Variants in HECTD4 observed in about 807,000 individuals in gnomAD.
HECTD4 encodes HECT domain E3 ubiquitin protein ligase 4, also known as probable E3 ubiquitin-protein ligase HECTD4.
In HECTD4, 114 loss-of-function variants were observed where a neutral mutation model predicts 471.5. That is an observed-to-expected ratio of 0.24 (90% CI 0.21 to 0.28). The LOEUF is 0.28. HECTD4 is among the 10% of genes least tolerant of loss of function. The pLI, the probability that HECTD4 is intolerant of heterozygous loss-of-function variation, is 1.00. For synonymous variants in HECTD4, 2,012 were observed against 2,256.0 expected (o/e 0.89, Z 3.07); for missense variants, 3,866 against 5,651.5 (o/e 0.68, Z 10.13).
At position 112,179,334 on chromosome 12, in the gene HECTD4, G is replaced by T; in HGVS notation, c.11051C>A (p.Ser3684Ter). 1 of 1,613,344 alleles carries T rather than the reference G, an allele frequency of 6.2e-7. No homozygotes were observed. Among genetic ancestry groups the T allele is most frequent in the Non-Finnish European group, 8.5e-7 (1 of 1,179,614 alleles). ...TGGTGTCAGGCTCAGCGTCTGCTCT[G>T]AATGGGCACAACTCTTAAATATCTC... ...LTEIFKSCAH[S>*]EQTLSLTPAK... The change falls in exon 63 of 76, where the codon TCA (serine) becomes TAA (stop). Residue 3684 changes from serine (S) to a stop codon, truncating the protein, a stop_gained. Transcript: ENST00000682272. LOFTEE classifies it high-confidence loss of function. The surrounding 1 kb of genome is among the most constrained non-coding windows in gnomAD (Gnocchi z 4.3).
In HECTD4 at chr12:112,184,117, A is replaced by G. The variant is rs1481366170; in HGVS notation, c.10779+70T>C. ...TTACCTACTAGGAAATAACTTTGGAAGATTTAAAGAGGCTTGGGGGATTGA... is the reference window on the plus strand; with the variant it reads ...TTACCTACTAGGAAATAACTTTGGAGGATTTAAAGAGGCTTGGGGGATTGA... On this transcript the variant is annotated intron_variant, in intron 61 of 75. Coordinates refer to ENST00000682272, the MANE Select transcript of HECTD4 (RefSeq NM_001388303.1). This position sits in a 1 kb window ranked among gnomAD's most constrained non-coding sequence, Gnocchi z 9.1. The G allele has an allele frequency of 5.0e-6, 7 of 1,397,440 alleles. No homozygotes were observed. The highest frequency in any genetic ancestry group is 2.1e-5 in the Admixed American group (1 of 47,048). 86.6% of individuals were successfully genotyped at this position (1,397,440 alleles called of 1,614,324 possible). A position where few individuals can be genotyped will look rare whatever the true frequency, so the allele number is the denominator to read the frequency against.
chr12:112,162,690 G>A lies in HECTD4; in HGVS notation c.13121-167C>T. On this transcript the variant is annotated intron_variant, in intron 75 of 75. Coordinates refer to ENST00000682272, the MANE Select transcript of HECTD4 (RefSeq NM_001388303.1). This position sits in a 1 kb window ranked among gnomAD's most constrained non-coding sequence, Gnocchi z 5.2. ...GCCTGGGAACCTGCGAGATGTTCTT[G>A]GAGGGAAAAGGGGAGAGAGCTGCTG... The A allele has an allele frequency of 2.7e-6, 2 of 733,386 alleles. No individual in the cohort carries two copies. Among genetic ancestry groups the A allele is most frequent in the East Asian group, 2.7e-5 (1 of 36,856 alleles). 45.4% of individuals were successfully genotyped at this position (733,386 alleles called of 1,614,324 possible).
In HECTD4 at chr12:112,162,872, G is replaced by C; in HGVS notation, c.13120+170C>G. Reference sequence around the variant, plus strand: ...AGATATGAGAAAGTATCTAACAGCAGGCCTGTATGGCTGGTTCCTGCCGGG... The same window carrying C: ...AGATATGAGAAAGTATCTAACAGCACGCCTGTATGGCTGGTTCCTGCCGGG... On this transcript the variant is annotated intron_variant, in intron 75 of 75. Transcript: ENST00000682272. The surrounding 1 kb of genome is among the most constrained non-coding windows in gnomAD (Gnocchi z 5.2). 1.6e-6 allele frequency: 1 copy of C among 606,918 alleles called. No individual in the cohort carries two copies. The highest frequency in any genetic ancestry group is 2.9e-6 in the Non-Finnish European group (1 of 342,688). The allele number at this position is 606,918 out of a possible 1,614,324, so 37.6% of individuals were successfully genotyped here. A position where few individuals can be genotyped will look rare whatever the true frequency, so the allele number is the denominator to read the frequency against.
chr12:112,327,312 A>C (rs950466914), intron 1 of HECTD4, among the ~76,000 whole-genome samples: 93 of 152,232 alleles, frequency 6.1e-4, no homozygotes, highest in African/African-American at 2.2e-3. Context: ...GCAAAACTCC[A>C]TCTCGGGGAG....
chr12:112,252,883 C>T (rs1006367909), intron 22 of HECTD4, among the ~76,000 whole-genome samples: 2 of 151,672 alleles, frequency 1.3e-5, no homozygotes, highest in Admixed American at 1.3e-4. Context: ...AATCATGGCT[C>T]ACTGCAGTCT....
In HECTD4 at chr12:112,226,876, C is replaced by T. The variant is rs2033253083; in HGVS notation, c.6855-118G>A. On this transcript the variant is annotated intron_variant, in intron 43 of 75. Transcript: ENST00000682272. ...CCCAGTTTACAACAAGGTTCAAACA[C>T]CCCACTCATCTTGCTTTTTTTTTCT... is the stretch of plus-strand genomic sequence containing the variant. 1.3e-5 allele frequency: 8 copies of T among 615,644 alleles called. No homozygotes were observed. In the South Asian group the frequency reaches 1.4e-4, roughly 11 times the overall value. The allele number at this position is 615,644 out of a possible 1,614,324, so 38.1% of individuals were successfully genotyped here. A position where few individuals can be genotyped will look rare whatever the true frequency, so the allele number is the denominator to read the frequency against.
intron 39 of HECTD4, 37 bp from the exon 40 acceptor site, chr12:112,230,859 T>C: frequency 1.3e-6 from 2 of 1,594,468 alleles, no homozygotes; most frequent in Non-Finnish European, 1.7e-6. Flanking sequence ...CAGTGCCCAG[T>C]GATGGTTAAG....
At chr12:112,211,481 G>A (rs1221767819) in intron 49 of HECTD4, among the ~76,000 whole-genome samples, 1 of 151,812 alleles carries the variant, frequency 6.6e-6, no homozygotes, top group Admixed American at 6.6e-5. Context: ...AGATCACTGT[G>A]GTTGCTGGGT....
chr12:112,367,290 CTTGG>C (rs1174562240), intron 1 of HECTD4, among the ~76,000 whole-genome samples: 2 of 128,300 alleles, frequency 1.6e-5, no homozygotes, highest in Admixed American at 8.9e-5. Flanking sequence ...CAGAGTAAGA[CTTGG>C]TCTCAAAAAA....
chr12:112,187,819 G>A lies in HECTD4; in HGVS notation c.9473-2326C>T, dbSNP rs975411920. ...TTTTTTGTATTTTTAGTAGAGACAC[G>A]GTTTCACTGTGTTAGCCAGGATGGT... On this transcript the variant is annotated intron_variant, in intron 60 of 75. Coordinates refer to ENST00000682272, the MANE Select transcript of HECTD4 (RefSeq NM_001388303.1). Among the ~76,000 whole-genome samples, 6 of 147,590 alleles carry A rather than the reference G, an allele frequency of 4.1e-5. No individual in the cohort carries two copies. The East Asian group carries it at 1.3e-3, about 31-fold the overall frequency.
intron 1 of HECTD4, among the ~76,000 whole-genome samples, chr12:112,364,654 G>A (rs1306640917): frequency 3.3e-5 from 5 of 152,016 alleles, no homozygotes; most frequent in South Asian, 2.1e-4. Context: ...AATTGAGCCC[G>A]GGAGGTCCAG....
At chr12:112,297,933 C>G (rs1425011485) in intron 7 of HECTD4, among the ~76,000 whole-genome samples, 1 of 152,146 alleles carries the variant, frequency 6.6e-6, no homozygotes, top group Non-Finnish European at 1.5e-5. Flanking sequence ...ACAGATAAGA[C>G]TCAGCAGGAA....
At chr12:112,216,948 A>C in intron 46 of HECTD4, 27 bp from the exon 47 acceptor site, 1 of 1,609,250 alleles carries the variant, frequency 6.2e-7, no homozygotes, top group Non-Finnish European at 8.5e-7. Flanking sequence ...AGAGAGCAGC[A>C]ATCAGAGGGC....
intron 29 of HECTD4, 66 bp downstream of exon 29, chr12:112,246,835 A>G (rs2135584388): frequency 7.1e-7 from 1 of 1,416,664 alleles, no homozygotes; most frequent in Admixed American, 2.5e-5. Context: ...TGTGTGTCTT[A>G]TATGAACAGA....
intron 44 of HECTD4, among the ~76,000 whole-genome samples, chr12:112,224,123 T>C (rs1001132532): frequency 6.6e-6 from 1 of 152,182 alleles, no homozygotes; most frequent in African/African-American, 2.4e-5. Flanking sequence ...CCTAAGAATC[T>C]ACCACTGTTC....
chr12:112,345,123 T>C (rs1395472992), intron 1 of HECTD4, among the ~76,000 whole-genome samples: 4 of 151,988 alleles, frequency 2.6e-5, no homozygotes, highest in Non-Finnish European at 5.9e-5. Context: ...TGTGATGGCA[T>C]GTACCTGTGG....
intron 64 of HECTD4, among the ~76,000 whole-genome samples, chr12:112,177,156 G>C (rs2031478760): frequency 6.6e-6 from 1 of 152,154 alleles, no homozygotes; most frequent in Admixed American, 6.5e-5. Context: ...GCACAGAAAA[G>C]TACTATGGGA....
intron 7 of HECTD4, among the ~76,000 whole-genome samples, chr12:112,296,475 T>G (rs1195502002): frequency 6.7e-6 from 1 of 149,588 alleles, no homozygotes; most frequent in Non-Finnish European, 1.5e-5. Context: ...GCAGAGGATG[T>G]AGGCACACAA....
intron 1 of HECTD4, among the ~76,000 whole-genome samples, chr12:112,326,455 T>G (rs575262182): frequency 1.3e-5 from 2 of 152,284 alleles, no homozygotes; most frequent in East Asian, 3.9e-4. Context: ...ATTGCACCAC[T>G]GCATTCCAAC....
Sources: allele counts gnomAD v4.1 joint callset (sites outside exome capture counted in the v4.1 genomes callset), GRCh38; gene constraint gnomAD v4.1.1; non-coding constraint Gnocchi (gnomAD v3.1); transcripts MANE v1.5; gene names NCBI Gene and HGNC (gene_info 2026-07-23, HGNC 2026-07-21).